The following TMEM132B variants were observed in gnomAD, a reference collection of about 807,000 sequenced individuals.
TMEM132B encodes transmembrane protein 132B.
TMEM132B carries 18 observed loss-of-function variants against 90.8 expected under a neutral mutation model. The observed-to-expected ratio is 0.20, with a 90% CI of 0.14 to 0.29. TMEM132B has a LOEUF of 0.29. Ranked by LOEUF, TMEM132B falls within the 10% of genes least tolerant of loss-of-function variation. TMEM132B has a pLI of 1.00. For synonymous variants in TMEM132B, 504 were observed against 523.3 expected (o/e 0.96, Z 0.50); for missense variants, 1,096 against 1,326.8 (o/e 0.83, Z 2.70).
chr12:125,457,017 G>T (rs1274988409), intron 3 of TMEM132B, among the ~76,000 whole-genome samples: 3 of 152,268 alleles, frequency 2.0e-5, no homozygotes, highest in African/African-American at 7.2e-5. Flanking sequence ...CCTCCCTGCT[G>T]CAGGCAGGTC....
intron 1 of TMEM132B, among the ~76,000 whole-genome samples, chr12:125,255,198 G>A (rs1418852018): frequency 6.6e-6 from 1 of 152,110 alleles, no homozygotes; most frequent in East Asian, 1.9e-4. Context: ...GGCTTGCGGG[G>A]AGGAGAGGGT....
chr12:125,446,471 C>T (rs1881008221), intron 3 of TMEM132B, among the ~76,000 whole-genome samples: 1 of 152,010 alleles, frequency 6.6e-6, no homozygotes, highest in East Asian at 1.9e-4. Context: ...TTAGGCATAA[C>T]TTTAGAGTAG....
At chr12:125,315,174 G>A (rs893683894) in intron 1 of TMEM132B, among the ~76,000 whole-genome samples, 2 of 152,362 alleles carry the variant, frequency 1.3e-5, no homozygotes, top group African/African-American at 2.4e-5. Flanking sequence ...CTGTGCCTAC[G>A]CGAAGGCGCA....
intron 5 of TMEM132B, among the ~76,000 whole-genome samples, chr12:125,599,577 G>T (rs574501117): frequency 1.3e-5 from 2 of 152,132 alleles, no homozygotes; most frequent in Non-Finnish European, 2.9e-5. Context: ...GAACGATCAT[G>T]CTTGGGTCCC....
At chr12:125,368,659 A>G (rs1878203124) in intron 2 of TMEM132B, among the ~76,000 whole-genome samples, 1 of 152,210 alleles carries the variant, frequency 6.6e-6, no homozygotes, top group South Asian at 2.1e-4. Context: ...TGTCTCTGTC[A>G]GAGGCTGCGT....
chr12:125,495,908 A>T (rs963239552), intron 3 of TMEM132B, among the ~76,000 whole-genome samples: 1 of 152,184 alleles, frequency 6.6e-6, no homozygotes, highest in African/African-American at 2.4e-5. Context: ...TAATATTAAG[A>T]TCCTTTTAAA....
chr12:125,613,659 A>G (rs1667757522), intron 5 of TMEM132B, among the ~76,000 whole-genome samples: 1 of 152,004 alleles, frequency 6.6e-6, no homozygotes, highest in South Asian at 2.1e-4. Context: ...TGAGATACAG[A>G]AGCATTAATT....
chr12:125,544,837 T>C (rs1050544631), intron 4 of TMEM132B, among the ~76,000 whole-genome samples: 2 of 152,224 alleles, frequency 1.3e-5, no homozygotes, highest in African/African-American at 2.4e-5. Flanking sequence ...TGGATGACTT[T>C]GCAGACATCT....
chr12:125,341,261 C>T (rs1877171165), intron 1 of TMEM132B, among the ~76,000 whole-genome samples: 1 of 152,166 alleles, frequency 6.6e-6, no homozygotes. Context: ...TGCTCTGTGC[C>T]TCAGTTTTCT....
intron 1 of TMEM132B, among the ~76,000 whole-genome samples, chr12:125,346,257 A>G (rs1357512708): frequency 2.0e-5 from 3 of 152,372 alleles, no homozygotes; most frequent in South Asian, 2.1e-4. Context: ...TTCTTAAAAG[A>G]TAAAGAAAAC....
At chr12:125,638,497 A>G (rs1331224950) in intron 5 of TMEM132B, among the ~76,000 whole-genome samples, 1 of 152,232 alleles carries the variant, frequency 6.6e-6, no homozygotes, top group Non-Finnish European at 1.5e-5. Flanking sequence ...ATAAGTGAAT[A>G]TCTAAGGTTT....
At chr12:125,622,009 C>G (rs548534091) in intron 5 of TMEM132B, among the ~76,000 whole-genome samples, 17 of 152,346 alleles carry the variant, frequency 1.1e-4, no homozygotes, top group Middle Eastern at 6.8e-3. Flanking sequence ...CAGGATCTCT[C>G]TGAACATAGT....
At chr12:125,268,983 T>C (rs1203339173) in intron 1 of TMEM132B, among the ~76,000 whole-genome samples, 1 of 152,232 alleles carries the variant, frequency 6.6e-6, no homozygotes, top group Admixed American at 6.5e-5. Flanking sequence ...GAAGAACTTC[T>C]ACCTTGTTAA....
chr12:125,238,387 C>A (rs10744195), intron 1 of TMEM132B, among the ~76,000 whole-genome samples: 116,578 of 137,296 alleles, frequency 0.85, 49,323 homozygotes, highest in East Asian at 0.94. Flanking sequence ...CAAAAAAAAA[C>A]CAAAAAAACA....
intron 3 of TMEM132B, among the ~76,000 whole-genome samples, chr12:125,495,537 C>A (rs996293784): frequency 1.3e-5 from 2 of 152,164 alleles, no homozygotes; most frequent in Non-Finnish European, 2.9e-5. Flanking sequence ...CTTATTATTT[C>A]TCTTATTCAT....
At chr12:125,212,829 T>G (rs1322964373) in intron 1 of TMEM132B, among the ~76,000 whole-genome samples, 1 of 152,238 alleles carries the variant, frequency 6.6e-6, no homozygotes, top group Non-Finnish European at 1.5e-5. Context: ...AATATTTTTT[T>G]GTACAAGCCA....
chr12:125,509,870 C>G (rs186069371), intron 3 of TMEM132B, among the ~76,000 whole-genome samples: 1 of 151,970 alleles, frequency 6.6e-6, no homozygotes, highest in Non-Finnish European at 1.5e-5. Flanking sequence ...GTCTGTCATT[C>G]GATTTCTCAT....
At chr12:125,221,350 A>G (rs1873552862) in intron 1 of TMEM132B, among the ~76,000 whole-genome samples, 2 of 152,210 alleles carry the variant, frequency 1.3e-5, no homozygotes, top group South Asian at 4.1e-4. Context: ...CAGAGTGGAT[A>G]ACACTTGCCC....
In TMEM132B at chr12:125,415,737, G is replaced by A; in HGVS notation, c.1106+60G>A. On this transcript the variant is annotated intron_variant, in intron 3 of 8. Coordinates refer to ENST00000682704, the MANE Select transcript of TMEM132B (RefSeq NM_001366854.1). The surrounding 1 kb of genome is among the most constrained non-coding windows in gnomAD (Gnocchi z 5.3). ...GGGGAGGAGGGGAGTGGCTGCCAGA[G>A]CTGATAGCAAAATAATGTGCGTGTG... 6.3e-7 allele frequency: 1 copy of A among 1,583,494 alleles called. No homozygotes were observed. The highest frequency in any genetic ancestry group is 1.8e-4 in the Middle Eastern group (1 of 5,466).
Sources: allele counts gnomAD v4.1 joint callset (sites outside exome capture counted in the v4.1 genomes callset), GRCh38; gene constraint gnomAD v4.1.1; non-coding constraint Gnocchi (gnomAD v3.1); transcripts MANE v1.5; gene names NCBI Gene and HGNC (gene_info 2026-07-23, HGNC 2026-07-21).